HSPA2: variants seen among roughly 807,000 people sequenced by gnomAD.
HSPA2 encodes heat shock-related 70 kDa protein 2.
A neutral mutation model predicts 35.0 loss-of-function variants in HSPA2; 13 were observed. That is an observed-to-expected ratio of 0.37 (90% CI 0.24 to 0.59). The LOEUF is 0.59. Ranked by LOEUF, HSPA2 falls within the 20% of genes least tolerant of loss-of-function variation. The pLI, the probability that HSPA2 is intolerant of heterozygous loss-of-function variation, is 0.70. For synonymous variants in HSPA2, 368 were observed against 382.1 expected (o/e 0.96, Z 0.43); for missense variants, 565 against 885.4 (o/e 0.64, Z 4.59).
Position 64,542,541 on chromosome 14 carries a change from G to C in HSPA2, c.1692G>C (p.Lys564Asn). The change falls in exon 1 of 1, where the codon AAG (lysine) becomes AAC (asparagine). Residue 564 changes from lysine (K) to asparagine (N), a missense_variant. Transcript: ENST00000247207. The surrounding 1 kb of genome is among the most constrained non-coding windows in gnomAD (Gnocchi z 5.7). ...QTVEDEKLRGKISEQDKNKIL... is the reference protein window; with the variant it reads ...QTVEDEKLRGNISEQDKNKIL... ...TGGAAGACGAGAAACTGAGGGGCAA[G>C]ATTAGCGAGCAGGACAAAAACAAGA... 6.2e-7 allele frequency: 1 copy of C among 1,613,588 alleles called. No individual in the cohort carries two copies. The highest frequency in any genetic ancestry group is 8.5e-7 in the Non-Finnish European group (1 of 1,179,992).
upstream of HSPA2, among the ~76,000 whole-genome samples, chr14:64,538,801 T>C (rs2079999667): frequency 6.6e-6 from 1 of 152,228 alleles, no homozygotes; most frequent in Non-Finnish European, 1.5e-5. Context: ...ACACATATTA[T>C]GTAAAGTGAT....
In HSPA2 at chr14:64,541,612, G is replaced by T. The variant is rs760140113; in HGVS notation, c.763G>T (p.Asp255Tyr). 1.2e-6 allele frequency: 2 copies of T among 1,611,640 alleles called. No homozygotes were observed. The highest frequency in any genetic ancestry group is 1.7e-6 in the Non-Finnish European group (2 of 1,179,970). The change falls in exon 1 of 1, where the codon GAC becomes TAC. Residue 255 changes from aspartate to tyrosine, a missense_variant. Coordinates refer to ENST00000247207, the MANE Select transcript of HSPA2 (RefSeq NM_021979.4). ...GGAGTTCAAGCGCAAGCACAAGAAG[G>T]ACATTGGGCCCAACAAGCGCGCCGT... ...AEEFKRKHKKDIGPNKRAVRR... is the reference protein window; with the variant it reads ...AEEFKRKHKKYIGPNKRAVRR...
At chr14:64,536,765 A>G (rs1449614111), upstream of HSPA2, among the ~76,000 whole-genome samples, 1 of 152,230 alleles carries the variant, frequency 6.6e-6, no homozygotes, top group Non-Finnish European at 1.5e-5. Context: ...AATTTTTAAA[A>G]ACCCAAAATA....
chr14:64,540,651 G>A (rs1395573281), upstream of HSPA2: 4 of 744,696 alleles, frequency 5.4e-6, no homozygotes, highest in East Asian at 2.7e-5. Flanking sequence ...GGTGGAGCTG[G>A]AAGAGTTTGT....
Position 64,541,688 on chromosome 14 carries a change from C to A in HSPA2, c.839C>A (p.Ser280Tyr), listed in dbSNP as rs556598060. 1 of 1,611,954 alleles carries A rather than the reference C, an allele frequency of 6.2e-7. No homozygotes were observed. The highest frequency in any genetic ancestry group is 1.1e-5 in the South Asian group (1 of 91,010). Reference sequence around the variant, plus strand: ...CGCGCCAAGCGCACCCTGAGCTCGTCCACGCAGGCGAGCATCGAGATCGAC... The same window carrying A: ...CGCGCCAAGCGCACCCTGAGCTCGTACACGCAGGCGAGCATCGAGATCGAC... ...CERAKRTLSS[S>Y]TQASIEIDSL... Residue 280 changes from serine to tyrosine, a missense_variant, in exon 1 of 1, where the codon TCC becomes TAC. Ser to Tyr is a moderately radical substitution (Grantham distance 144). This residue lies in a region of HSPA2 where 234 missense variants were observed against 419.0 expected (regional missense o/e 0.56). Coordinates refer to ENST00000247207, the MANE Select transcript of HSPA2 (RefSeq NM_021979.4).
chr14:64,536,775 A>G (rs1031360553), upstream of HSPA2, among the ~76,000 whole-genome samples: 12 of 152,210 alleles, frequency 7.9e-5, no homozygotes, highest in African/African-American at 2.4e-4. Flanking sequence ...AACCCAAAAT[A>G]CAAATACAGT....
chr14:64,538,915 G>A (rs529124661), upstream of HSPA2, among the ~76,000 whole-genome samples: 2 of 152,290 alleles, frequency 1.3e-5, no homozygotes, highest in African/African-American at 4.8e-5. Context: ...TCGACTGACT[G>A]CAACCTCTGC....
upstream of HSPA2, chr14:64,540,371 T>C (rs2080016799): frequency 4.7e-6 from 1 of 214,180 alleles, no homozygotes; most frequent in Non-Finnish European, 9.5e-6. Flanking sequence ...GCACTGCTCA[T>C]TGGCCGCGTG....
At chr14:64,538,712 A>C (rs1314386517), upstream of HSPA2, among the ~76,000 whole-genome samples, 2 of 152,220 alleles carry the variant, frequency 1.3e-5, no homozygotes, top group Non-Finnish European at 2.9e-5. Context: ...TCTGAAGACC[A>C]GGCCATTTCA....
In HSPA2 at chr14:64,542,080, G is replaced by A. The variant is rs780664331; in HGVS notation, c.1231G>A (p.Gly411Ser). 10 of 1,613,454 alleles carry A rather than the reference G, an allele frequency of 6.2e-6. No individual in the cohort carries two copies. In the Admixed American group the frequency reaches 6.7e-5, roughly 11 times the overall value. ...GTCGCTGGGCATCGAGACAGCTGGC[G>A]GTGTCATGACCCCACTCATCAAGAG... The part of the protein sequence containing the change: ...PLSLGIETAG[G>S]VMTPLIKRNT... The change falls in exon 1 of 1, where the codon GGT (glycine) becomes AGT (serine). Residue 411 changes from glycine (G) to serine (S), a missense_variant. Physicochemically the swap from Gly to Ser is moderately conservative, Grantham distance 56. Coordinates refer to ENST00000247207, the MANE Select transcript of HSPA2 (RefSeq NM_021979.4). This position sits in a 1 kb window ranked among gnomAD's most constrained non-coding sequence, Gnocchi z 5.7.
Position 64,541,069 on chromosome 14 carries a change from C to A in HSPA2, c.220C>A (p.Leu74Met), listed in dbSNP as rs2080025872. The change falls in exon 1 of 1, where the codon CTG becomes ATG. Residue 74 changes from leucine (L) to methionine (M), a missense_variant. Transcript: ENST00000247207. ...CAACACCATCTTCGACGCCAAGAGG[C>A]TGATTGGACGGAAATTCGAGGATGC... ...PTNTIFDAKR[L>M]IGRKFEDATV... 2 of 1,614,230 alleles carry A rather than the reference C, an allele frequency of 1.2e-6. No individual in the cohort carries two copies. The highest frequency in any genetic ancestry group is 1.7e-6 in the Non-Finnish European group (2 of 1,180,044).
upstream of HSPA2, among the ~76,000 whole-genome samples, chr14:64,538,968 G>C (rs976247064): frequency 3.3e-5 from 5 of 152,200 alleles, no homozygotes; most frequent in African/African-American, 1.2e-4. Context: ...ACCACGCCCG[G>C]CTAATTTTTG....
At position 64,542,395 on chromosome 14, in the gene HSPA2, G is replaced by A. The variant is rs375115167; in HGVS notation, c.1546G>A (p.Asp516Asn). ...CAATGACAAAGGTCGTCTGAGCAAG[G>A]ACGACATTGACCGGATGGTGCAGGA... is the stretch of plus-strand genomic sequence containing the variant. ...ITNDKGRLSK[D>N]DIDRMVQEAE... Residue 516 changes from aspartate to asparagine, a missense_variant, in exon 1 of 1, where the codon GAC (aspartate) becomes AAC (asparagine). By Grantham distance (23) the Asp-to-Asn change is conservative (BLOSUM62 1). Transcript: ENST00000247207. This position sits in a 1 kb window ranked among gnomAD's most constrained non-coding sequence, Gnocchi z 5.7. 1.9e-6 allele frequency: 3 copies of A among 1,613,882 alleles called. No individual in the cohort carries two copies. Among genetic ancestry groups the A allele is most frequent in the Non-Finnish European group, 2.5e-6 (3 of 1,180,034 alleles).
In HSPA2 at chr14:64,540,915, C is replaced by T. The variant is rs755955718; in HGVS notation, c.66C>T (p.Phe22=). ...CCACCTATTCGTGCGTCGGGGTCTT[C>T]CAACATGGCAAGGTGGAGATCATCG... ...LGTTYSCVGV[F]QHGKVEIIAN... is the part of the protein sequence containing the mutation. Residue 22 remains phenylalanine, a synonymous_variant, in exon 1 of 1, where the codon TTC becomes TTT. Transcript: ENST00000247207. 22 of 1,614,068 alleles carry T rather than the reference C, an allele frequency of 1.4e-5. No individual in the cohort carries two copies. In the Admixed American group the frequency reaches 3.0e-4, roughly 22 times the overall value.
chr14:64,542,710 G>A lies in HSPA2; in HGVS notation c.1861G>A (p.Gly621Ser), dbSNP rs377519695. ...ACTTTACCAAGGTGGTCCTGGCGGC[G>A]GCAGCGGCGGCGGCGGTTCAGGAGC... ...SKLYQGGPGG[G>S]SGGGGSGASG... The change falls in exon 1 of 1, where the codon GGC (glycine) becomes AGC (serine). Residue 621 changes from glycine to serine, a missense_variant. Transcript: ENST00000247207. The surrounding 1 kb of genome is among the most constrained non-coding windows in gnomAD (Gnocchi z 5.7). The A allele has an allele frequency of 6.8e-6, 11 of 1,613,762 alleles. No homozygotes were observed. Among genetic ancestry groups the A allele is most frequent in the Non-Finnish European group, 9.3e-6 (11 of 1,179,938 alleles).
In HSPA2 at chr14:64,542,692, C is replaced by A. The variant is rs1418412242; in HGVS notation, c.1843C>A (p.Gln615Lys). 2.5e-6 allele frequency: 4 copies of A among 1,614,002 alleles called. No homozygotes were observed. In the South Asian group the frequency reaches 4.4e-5, roughly 18 times the overall value. The change falls in exon 1 of 1, where the codon CAA becomes AAA. Residue 615 changes from glutamine to lysine, a missense_variant. This residue lies in a region of HSPA2 where 147 missense variants were observed against 166.7 expected (regional missense o/e 0.88). Coordinates refer to ENST00000247207, the MANE Select transcript of HSPA2 (RefSeq NM_021979.4). The surrounding 1 kb of genome is among the most constrained non-coding windows in gnomAD (Gnocchi z 5.7). ...CAACCCCATCATCAGCAAACTTTAC[C>A]AAGGTGGTCCTGGCGGCGGCAGCGG... ...VCNPIISKLY[Q>K]GGPGGGSGGG...
chr14:64,539,899 C>A (rs186133241), upstream of HSPA2, among the ~76,000 whole-genome samples: 74 of 152,238 alleles, frequency 4.9e-4, no homozygotes, highest in African/African-American at 1.7e-3. Context: ...CCAGGATGGT[C>A]TCGATGTCTT....
chr14:64,541,828 G>T lies in HSPA2; in HGVS notation c.979G>T (p.Ala327Ser). The T allele has an allele frequency of 6.2e-7, 1 of 1,613,602 alleles. No homozygotes were observed. Among genetic ancestry groups the T allele is most frequent in the Non-Finnish European group, 8.5e-7 (1 of 1,180,036 alleles). The change falls in exon 1 of 1, where the codon GCC (alanine) becomes TCC (serine). Residue 327 changes from alanine to serine, a missense_variant. Ala to Ser is a moderately conservative substitution (Grantham distance 99). Around this residue, in one of 4 missense-constraint regions of HSPA2, gnomAD observed 234 missense variants for 419.0 expected, o/e 0.56. Transcript: ENST00000247207. The stretch of plus-strand genomic sequence containing the variant: ...GCCGGTGGAGAAGGCGCTGCGCGAC[G>T]CCAAGCTGGACAAGGGCCAGATCCA... ...LEPVEKALRD[A>S]KLDKGQIQEI...
chr14:64,540,541 G>A (rs1208013800), upstream of HSPA2: 1 of 415,758 alleles, frequency 2.4e-6, no homozygotes, highest in East Asian at 4.7e-5. Flanking sequence ...TTACATAACG[G>A]CCGCCCCTCT....
Sources: gnomAD v4.1 joint callset for allele counts (sites outside exome capture counted in the v4.1 genomes callset) on GRCh38, gnomAD v4.1.1 for gene constraint, gnomAD v4.1.1 regional missense constraint, Gnocchi (gnomAD v3.1) non-coding constraint, MANE v1.5 for transcripts, NCBI Gene and HGNC (gene_info 2026-07-23, HGNC 2026-07-21) for gene names.